Variants in NDUFA11 observed in about 807,000 individuals in gnomAD.
NDUFA11 encodes NADH dehydrogenase [ubiquinone] 1 alpha subcomplex subunit 11.
Under a neutral mutation model 11.3 loss-of-function variants are expected in NDUFA11, and 14 were observed. That is an observed-to-expected ratio of 1.24 (90% CI 0.82 to 1.94). The LOEUF (loss-of-function observed/expected upper bound fraction) is 1.94. NDUFA11 is among the 30% of genes most tolerant of loss of function. The pLI is 0.00. For synonymous variants in NDUFA11, 87 were observed against 85.6 expected (o/e 1.02, Z -0.09); for missense variants, 204 against 200.3 (o/e 1.02, Z -0.11).
At chr19:5,893,760 T>C (rs1248659858), downstream of NDUFA11, among the ~76,000 whole-genome samples, 1 of 152,140 alleles carries the variant, frequency 6.6e-6, no homozygotes, top group Admixed American at 6.5e-5. The surrounding 1 kb of genome is among the most constrained non-coding windows in gnomAD (Gnocchi z 4.1). Flanking sequence ...AAGTGAAGTT[T>C]GGCTTTTCAC....
chr19:5,898,419 T>A (rs2057623862), intron 1 of NDUFA11, among the ~76,000 whole-genome samples: 1 of 152,298 alleles, frequency 6.6e-6, no homozygotes, highest in South Asian at 2.1e-4. Context: ...TGAGCACATA[T>A]TCAGAGCAGC....
At position 5,903,721 on chromosome 19, in the gene NDUFA11, C is replaced by G. The variant is rs1211504107; in HGVS notation, c.-13G>C. ...CCTTCGGCGCCATAGCCCGCAATCTCGATCCCGCACCACGGACCCCGCCAG... is the reference window on the plus strand; with the variant it reads ...CCTTCGGCGCCATAGCCCGCAATCTGGATCCCGCACCACGGACCCCGCCAG... On this transcript the variant is annotated 5_prime_UTR_variant, in exon 1 of 4. Coordinates refer to ENST00000308961, the MANE Select transcript of NDUFA11 (RefSeq NM_175614.5). 2 of 1,551,194 alleles carry G rather than the reference C, an allele frequency of 1.3e-6. No homozygotes were observed. The highest frequency in any genetic ancestry group is 1.7e-6 in the Non-Finnish European group (2 of 1,146,754).
chr19:5,903,717 A>G lies in NDUFA11; in HGVS notation c.-9T>C. 3 of 1,551,314 alleles carry G rather than the reference A, an allele frequency of 1.9e-6. No homozygotes were observed. The highest frequency in any genetic ancestry group is 1.2e-5 in the South Asian group (1 of 84,064). Reference sequence around the variant, plus strand: ...AAAACCTTCGGCGCCATAGCCCGCAATCTCGATCCCGCACCACGGACCCCG... The same window carrying G: ...AAAACCTTCGGCGCCATAGCCCGCAGTCTCGATCCCGCACCACGGACCCCG... On this transcript the variant is annotated 5_prime_UTR_variant, in exon 1 of 4. Coordinates refer to ENST00000308961, the MANE Select transcript of NDUFA11 (RefSeq NM_175614.5).
At position 5,896,958 on chromosome 19, in the gene NDUFA11, G is replaced by A. The variant is rs772849772; in HGVS notation, c.137C>T (p.Pro46Leu). 22 of 1,614,030 alleles carry A rather than the reference G, an allele frequency of 1.4e-5. No individual in the cohort carries two copies. Among genetic ancestry groups the A allele is most frequent in the African/African-American group, 5.3e-5 (4 of 74,926 alleles). Residue 46 changes from proline (P) to leucine (L), a missense_variant, in exon 2 of 4, where the codon CCG (proline) becomes CTG (leucine). Physicochemically the swap from Pro to Leu is moderately conservative, Grantham distance 98. Coordinates refer to ENST00000308961, the MANE Select transcript of NDUFA11 (RefSeq NM_175614.5). The surrounding 1 kb of genome is among the most constrained non-coding windows in gnomAD (Gnocchi z 5.8). ...AAAYRVTLNP[P>L]GTFLEGVAKV... Reference sequence around the variant, plus strand: ...AGCCACTCCTTCAAGGAAGGTGCCCGGAGGATTGAGTGTGACTCTGTAGGC... The same window carrying A: ...AGCCACTCCTTCAAGGAAGGTGCCCAGAGGATTGAGTGTGACTCTGTAGGC...
At chr19:5,893,352 C>A, downstream of NDUFA11, 1 of 708,328 alleles carries the variant, frequency 1.4e-6, no homozygotes, top group Non-Finnish European at 2.4e-6. This position sits in a 1 kb window ranked among gnomAD's most constrained non-coding sequence, Gnocchi z 4.1. Flanking sequence ...GCAGTCCCAG[C>A]TACCAGGGAG....
chr19:5,901,231 C>A, intron 1 of NDUFA11: 1 of 1,072,212 alleles, frequency 9.3e-7, no homozygotes, highest in Non-Finnish European at 1.2e-6. Context: ...GGAATGCACA[C>A]ACTCTCTCAC....
chr19:5,897,272 TG>T (rs2057616317), intron 1 of NDUFA11, among the ~76,000 whole-genome samples: 1 of 152,188 alleles, frequency 6.6e-6, no homozygotes, highest in Admixed American at 6.5e-5. Context: ...GAGCACCTGC[TG>T]GGCGCCCATC....
chr19:5,896,464 A>G lies in NDUFA11; in HGVS notation c.302T>C (p.Leu101Pro), dbSNP rs1419808810. The G allele has an allele frequency of 1.0e-5, 16 of 1,572,640 alleles. No individual in the cohort carries two copies. Among genetic ancestry groups the G allele is most frequent in the Non-Finnish European group, 1.4e-5 (16 of 1,159,522 alleles). ...AGGGGGCCACTCACTGCGTGCTCCC[A>G]GAGTCAGGCCTCCGGCGCAGCCACC... ...FLGGCAGGLT[L>P]GARTHNYGIG... Residue 101 changes from leucine to proline, a missense_variant, in exon 3 of 4, where the codon CTG becomes CCG. Leu to Pro is a moderately conservative substitution (Grantham distance 98). Coordinates refer to ENST00000308961, the MANE Select transcript of NDUFA11 (RefSeq NM_175614.5). The surrounding 1 kb of genome is among the most constrained non-coding windows in gnomAD (Gnocchi z 5.8).
intron 1 of NDUFA11, chr19:5,901,535 C>G: frequency 8.5e-7 from 1 of 1,177,578 alleles, no homozygotes; most frequent in Non-Finnish European, 1.1e-6. Context: ...TAGGTCTGCC[C>G]TAATTCAAAT....
downstream of NDUFA11, chr19:5,894,633 C>T (rs754299036): frequency 3.6e-5 from 55 of 1,542,944 alleles, no homozygotes; most frequent in Admixed American, 1.2e-4. Flanking sequence ...CCGCCCTCAC[C>T]GGCTGCTGTG....
chr19:5,894,473 G>A (rs1004014658), downstream of NDUFA11, among the ~76,000 whole-genome samples: 8 of 152,154 alleles, frequency 5.3e-5, no homozygotes, highest in African/African-American at 1.7e-4. Context: ...CATCCCAGCC[G>A]TCTCCCCTCC....
chr19:5,893,473 G>T (rs371631951), downstream of NDUFA11, among the ~76,000 whole-genome samples: 28 of 152,092 alleles, frequency 1.8e-4, no homozygotes, highest in East Asian at 5.3e-3. This position sits in a 1 kb window ranked among gnomAD's most constrained non-coding sequence, Gnocchi z 4.1. Context: ...TCAAAAAGAC[G>T]AATTTTTGGT....
Position 5,894,722 on chromosome 19 carries a change from G to C in NDUFA11, c.*20C>G, listed in dbSNP as rs776834428. On this transcript the variant is annotated 3_prime_UTR_variant, in exon 4 of 4. Coordinates refer to ENST00000308961, the MANE Select transcript of NDUFA11 (RefSeq NM_175614.5). Reference sequence around the variant, plus strand: ...TTCTGGACGCATTCTGCAGGCTGGAGGTCCCGGCAGGCACAGGGCTCACAC... The same window carrying C: ...TTCTGGACGCATTCTGCAGGCTGGACGTCCCGGCAGGCACAGGGCTCACAC... The C allele has an allele frequency of 2.4e-5, 39 of 1,610,300 alleles. No homozygotes were observed. The highest frequency in any genetic ancestry group is 3.4e-5 in the Admixed American group (2 of 59,674).
At chr19:5,897,540 C>T (rs539779726) in intron 1 of NDUFA11, among the ~76,000 whole-genome samples, 60 of 152,302 alleles carry the variant, frequency 3.9e-4, no homozygotes, top group African/African-American at 1.4e-3. Context: ...TGGCTGCCAA[C>T]GCCTCCTCCT....
chr19:5,897,766 G>C (rs986864884), intron 1 of NDUFA11, among the ~76,000 whole-genome samples: 8 of 152,250 alleles, frequency 5.3e-5, no homozygotes, highest in African/African-American at 1.9e-4. Context: ...TAGGTGGTGG[G>C]GACGGAGGTT....
chr19:5,892,134 C>T (rs959319824), downstream of NDUFA11: 1 of 152,570 alleles, frequency 6.6e-6, no homozygotes, highest in African/African-American at 2.4e-5. Flanking sequence ...CCTGGCAGGC[C>T]TGCGCCAACC....
At position 5,894,783 on chromosome 19, in the gene NDUFA11, G is replaced by A. The variant is rs200470989; in HGVS notation, c.385C>T (p.Arg129Trp). ...GIAASLVKMG[R>W]LEGWEVFAKP... is the part of the protein sequence containing the mutation. ...GCAAACACCTCCCAGCCCTCCAGCC[G>A]GCCCATCTTGACCAGGGAGGCCGCT... is the stretch of plus-strand genomic sequence containing the variant. Residue 129 changes from arginine to tryptophan, a missense_variant, in exon 4 of 4, where the codon CGG becomes TGG. Physicochemically the swap from Arg to Trp is moderately radical, Grantham distance 101 (BLOSUM62 -3). Transcript: ENST00000308961. 75 of 1,613,598 alleles carry A rather than the reference G, an allele frequency of 4.6e-5. No individual in the cohort carries two copies. The highest frequency in any genetic ancestry group is 1.2e-4 in the Admixed American group (7 of 59,994).
chr19:5,891,453 A>T (rs1181979118), downstream of NDUFA11: 1 of 151,954 alleles, frequency 6.6e-6, no homozygotes, highest in African/African-American at 2.4e-5. Context: ...ACAGGGTTTC[A>T]CTGTGTTGGC....
intron 1 of NDUFA11, among the ~76,000 whole-genome samples, chr19:5,897,275 G>A (rs759953717): frequency 3.9e-5 from 6 of 152,196 alleles, no homozygotes; most frequent in Non-Finnish European, 8.8e-5. Context: ...CACCTGCTGG[G>A]CGCCCATCAG....
Sources: allele counts gnomAD v4.1 joint callset (sites outside exome capture counted in the v4.1 genomes callset), GRCh38; gene constraint gnomAD v4.1.1; non-coding constraint Gnocchi (gnomAD v3.1); transcripts MANE v1.5; gene names NCBI Gene and HGNC (gene_info 2026-07-23, HGNC 2026-07-21).